Variants in XPR1 observed in about 807,000 individuals in gnomAD.
The protein encoded by XPR1 is solute carrier family 53 member 1.
XPR1 carries 28 observed loss-of-function variants against 87.5 expected under a neutral mutation model. The observed-to-expected ratio is 0.32, with a 90% CI of 0.24 to 0.44. The LOEUF is 0.44. Ranked by LOEUF, XPR1 falls within the 20% of genes least tolerant of loss-of-function variation. The pLI, the probability that XPR1 is intolerant of heterozygous loss-of-function variation, is 1.00. For missense variants in XPR1, 559 were observed against 862.3 expected (o/e 0.65, Z 4.41); for synonymous variants, 300 against 306.1 (o/e 0.98, Z 0.21).
At position 180,787,792 on chromosome 1, in the gene XPR1, T is replaced by C. The variant is rs1408779219; in HGVS notation, c.161T>C (p.Phe54Ser). ...EDTVKRYFAK[F>S]EEKFFQTCEK... is the part of the protein sequence containing the mutation. ...ACAGTAAAGAGGTATTTTGCCAAGT[T>C]TGAAGAGAAGTTTTTCCAAACCTGT... The change falls in exon 3 of 15, where the codon TTT becomes TCT. Residue 54 changes from phenylalanine to serine, a missense_variant. Coordinates refer to ENST00000367590, the MANE Select transcript of XPR1 (RefSeq NM_004736.4). 2 of 1,613,634 alleles carry C rather than the reference T, an allele frequency of 1.2e-6. No homozygotes were observed.
chr1:180,661,821 G>T (rs1222686360), intron 1 of XPR1, among the ~76,000 whole-genome samples: 1 of 152,114 alleles, frequency 6.6e-6, no homozygotes, highest in African/African-American at 2.4e-5. Flanking sequence ...GTTGCAGTTA[G>T]CCAAGATCAT....
chr1:180,797,912 A>G (rs2102108391), intron 3 of XPR1, among the ~76,000 whole-genome samples: 1 of 152,330 alleles, frequency 6.6e-6, no homozygotes, highest in East Asian at 1.9e-4. Flanking sequence ...TGAACCAAGA[A>G]AGAACCAAGA....
chr1:180,670,290 AT>A (rs891275862), intron 1 of XPR1, among the ~76,000 whole-genome samples: 1 of 151,980 alleles, frequency 6.6e-6, no homozygotes, highest in African/African-American at 2.4e-5. Context: ...TTCTTTATAG[AT>A]TTTTTTGGCC....
chr1:180,744,760 C>T (rs976355111), intron 2 of XPR1, among the ~76,000 whole-genome samples: 1 of 150,686 alleles, frequency 6.6e-6, no homozygotes, highest in Admixed American at 6.7e-5. Flanking sequence ...AAGTGTTTCT[C>T]CAGCCTTAGC....
At chr1:180,830,469 T>C (rs1290763494) in intron 9 of XPR1, among the ~76,000 whole-genome samples, 1 of 152,206 alleles carries the variant, frequency 6.6e-6, no homozygotes, top group Admixed American at 6.5e-5. Context: ...GATTGAGTCA[T>C]AATGTGACCA....
chr1:180,779,022 C>T (rs1648837324), intron 2 of XPR1, among the ~76,000 whole-genome samples: 2 of 152,190 alleles, frequency 1.3e-5, no homozygotes, highest in Admixed American at 1.3e-4. Context: ...TTGTGAGCTG[C>T]TTTCAGTTCT....
At chr1:180,696,845 C>CA (rs1657192297) in intron 2 of XPR1, among the ~76,000 whole-genome samples, 6 of 152,096 alleles carry the variant, frequency 3.9e-5, no homozygotes, top group African/African-American at 1.4e-4. Context: ...CCCACTTGAT[C>CA]GTGGTGCATT....
intron 11 of XPR1, among the ~76,000 whole-genome samples, chr1:180,853,183 C>G (rs111834687): frequency 0.043 from 6,550 of 152,258 alleles, 504 homozygotes; most frequent in African/African-American, 0.15. Flanking sequence ...CCGCCTCGGC[C>G]TCCCAAATTA....
At chr1:180,713,263 C>T (rs1402157712) in intron 2 of XPR1, among the ~76,000 whole-genome samples, 2 of 152,048 alleles carry the variant, frequency 1.3e-5, no homozygotes, top group Middle Eastern at 3.2e-3. Flanking sequence ...ATGATACTGT[C>T]TTTCCATTTC....
chr1:180,663,767 G>T (rs566365179), intron 1 of XPR1, among the ~76,000 whole-genome samples: 10 of 152,230 alleles, frequency 6.6e-5, no homozygotes, highest in South Asian at 4.1e-4. Flanking sequence ...GTCCAGAGAT[G>T]CTCTCTGGGA....
At position 180,656,427 on chromosome 1, in the gene XPR1, T is replaced by A. The variant is rs1264256478; in HGVS notation, c.69+24157T>A. ...TATTTATATATTTATATATAAATATTTATATATTTATATATAAATATTTAT... is the reference window on the plus strand; with the variant it reads ...TATTTATATATTTATATATAAATATATATATATTTATATATAAATATTTAT... On this transcript the variant is annotated intron_variant, in intron 1 of 14. Coordinates refer to ENST00000367590, the MANE Select transcript of XPR1 (RefSeq NM_004736.4). Among the ~76,000 whole-genome samples the A allele has an allele frequency of 6.0e-4, 17 of 28,398 alleles. 2 individuals carry two copies. The highest frequency in any genetic ancestry group is 1.3e-3 in the East Asian group (2 of 1,592). 18.6% of individuals were successfully genotyped at this position (28,398 alleles called of 152,430 possible).
intron 11 of XPR1, among the ~76,000 whole-genome samples, chr1:180,857,385 G>A (rs1652072367): frequency 6.6e-6 from 1 of 152,122 alleles, no homozygotes; most frequent in African/African-American, 2.4e-5. Flanking sequence ...CTTTACTGAG[G>A]CAGGAAATTT....
chr1:180,671,180 AGGAGTAT>A (rs1656156776), intron 1 of XPR1, among the ~76,000 whole-genome samples: 1 of 152,240 alleles, frequency 6.6e-6, no homozygotes, highest in African/African-American at 2.4e-5. Flanking sequence ...AGGCCAGCAG[AGGAGTAT>A]GGACTTTATT....
At chr1:180,847,625 T>C (rs924091312) in intron 11 of XPR1, among the ~76,000 whole-genome samples, 5 of 152,186 alleles carry the variant, frequency 3.3e-5, no homozygotes, top group Admixed American at 6.5e-5. Context: ...TGATATCCTC[T>C]CCACCATCTG....
chr1:180,791,595 G>A (rs1019898535), intron 3 of XPR1, among the ~76,000 whole-genome samples: 3 of 151,378 alleles, frequency 2.0e-5, no homozygotes, highest in Non-Finnish European at 4.4e-5. Context: ...AAAAAAAAAT[G>A]TACATTATGA....
intron 1 of XPR1, among the ~76,000 whole-genome samples, chr1:180,641,730 C>T (rs902204994): frequency 6.6e-6 from 1 of 152,100 alleles, no homozygotes. Context: ...TTGAAAGAGA[C>T]CTTCTCAACC....
intron 1 of XPR1, among the ~76,000 whole-genome samples, chr1:180,673,253 A>G (rs972107592): frequency 6.6e-6 from 1 of 152,172 alleles, no homozygotes; most frequent in Non-Finnish European, 1.5e-5. Context: ...TTGAATATAC[A>G]TGTTAACTTT....
At chr1:180,684,431 G>A (rs1357127348) in intron 2 of XPR1, among the ~76,000 whole-genome samples, 36 of 152,154 alleles carry the variant, frequency 2.4e-4, no homozygotes, top group Middle Eastern at 6.8e-3. Flanking sequence ...TGATGCCTCC[G>A]GCTTTCTTCT....
intron 11 of XPR1, among the ~76,000 whole-genome samples, chr1:180,839,807 G>C (rs1651439588): frequency 1.3e-5 from 2 of 152,146 alleles, no homozygotes; most frequent in Non-Finnish European, 2.9e-5. Context: ...GCTTCTGGAT[G>C]GTAAATTGTG....
Sources: allele counts gnomAD v4.1 joint callset (sites outside exome capture counted in the v4.1 genomes callset), GRCh38; gene constraint gnomAD v4.1.1; transcripts MANE v1.5; gene names NCBI Gene and HGNC (gene_info 2026-07-23, HGNC 2026-07-21).